The following RBFOX1 variants were observed in gnomAD, a reference collection of about 807,000 sequenced individuals.
RBFOX1 encodes the protein RNA binding protein fox-1 homolog 1.
RBFOX1 carries 8 observed loss-of-function variants against 57.7 expected under a neutral mutation model. The observed-to-expected ratio is 0.14, with a 90% CI of 0.08 to 0.25. The LOEUF is 0.25. Ranked by LOEUF, RBFOX1 falls within the 10% of genes least tolerant of loss-of-function variation. The pLI is 1.00. For synonymous variants in RBFOX1, 326 were observed against 222.4 expected, an observed-to-expected ratio of 1.47 and a Z score of -4.15; for missense variants, 611 against 548.5, an observed-to-expected ratio of 1.11 and a Z score of -1.14.
intron 3 of RBFOX1, among the ~76,000 whole-genome samples, chr16:6,877,022 A>C (rs1280268553): frequency 6.6e-6 from 1 of 152,138 alleles, no homozygotes; most frequent in Admixed American, 6.6e-5. Context: ...TATTTCTGCT[A>C]TTGTTTCTTA....
At chr16:6,990,305 A>G (rs918445876) in intron 3 of RBFOX1, among the ~76,000 whole-genome samples, 1 of 152,010 alleles carries the variant, frequency 6.6e-6, no homozygotes, top group Admixed American at 6.6e-5. Context: ...CGGGTGGGTC[A>G]CCTGAGGTCA....
At chr16:7,658,162 A>G (rs1348476364) in intron 12 of RBFOX1, among the ~76,000 whole-genome samples, 1 of 152,176 alleles carries the variant, frequency 6.6e-6, no homozygotes, top group Non-Finnish European at 1.5e-5. Context: ...TGATGAACTT[A>G]GCGACTTTAT....
At chr16:6,738,148 C>T (rs1178768082) in intron 3 of RBFOX1, among the ~76,000 whole-genome samples, 8 of 151,550 alleles carry the variant, frequency 5.3e-5, no homozygotes, top group East Asian at 1.9e-4. Flanking sequence ...TGTAACCTCT[C>T]ATCTTAAATG....
At chr16:6,479,452 G>C (rs977554305) in intron 2 of RBFOX1, among the ~76,000 whole-genome samples, 1 of 151,952 alleles carries the variant, frequency 6.6e-6, no homozygotes, top group Non-Finnish European at 1.5e-5. Flanking sequence ...GCCCGGCATG[G>C]TGGCACACAC....
chr16:6,667,582 C>G (rs2098740625), intron 3 of RBFOX1, among the ~76,000 whole-genome samples: 1 of 152,060 alleles, frequency 6.6e-6, no homozygotes, highest in South Asian at 2.1e-4. Flanking sequence ...CAGGATGCAC[C>G]TTGAATAACT....
At chr16:7,705,086 G>T (rs897029366) in intron 14 of RBFOX1, among the ~76,000 whole-genome samples, 2 of 150,332 alleles carry the variant, frequency 1.3e-5, no homozygotes, top group East Asian at 2.0e-4. Flanking sequence ...AGAGAAAGAA[G>T]CATCTCTTCA....
chr16:6,621,676 G>A (rs755941757), intron 2 of RBFOX1, among the ~76,000 whole-genome samples: 2 of 152,140 alleles, frequency 1.3e-5, no homozygotes, highest in Non-Finnish European at 2.9e-5. Flanking sequence ...CAACCCCATT[G>A]CAAACAGAGC....
At chr16:5,640,839 A>G (rs1469393630) in intron 3 of RBFOX1, among the ~76,000 whole-genome samples, 5 of 145,846 alleles carry the variant, frequency 3.4e-5, no homozygotes, top group Admixed American at 6.7e-5. Context: ...ACATGCACAC[A>G]CACACACACA....
At chr16:5,848,862 T>C (rs1360027324) in intron 3 of RBFOX1, among the ~76,000 whole-genome samples, 1 of 151,832 alleles carries the variant, frequency 6.6e-6, no homozygotes, top group African/African-American at 2.4e-5. Flanking sequence ...GGCAGGAGAA[T>C]CACTTGAATC....
At position 5,978,483 on chromosome 16, in the gene RBFOX1, A is replaced by G. The variant is rs2060110492; in HGVS notation, c.351+111148A>G. On this transcript the variant is annotated intron_variant, in intron 4 of 19. Coordinates refer to the RBFOX1 transcript ENST00000641259. ...TCAACAGGGTAGGTTTGTTGTAATG[A>G]AGCGACCAGCGTTGCTATATTACTA... Among the ~76,000 whole-genome samples the G allele has an allele frequency of 5.9e-5, 9 of 152,250 alleles. No homozygotes were observed. The South Asian group carries it at 1.9e-3, about 32-fold the overall frequency.
intron 4 of RBFOX1, among the ~76,000 whole-genome samples, chr16:7,106,433 GA>G (rs1478798024): frequency 2.6e-5 from 4 of 151,996 alleles, no homozygotes; most frequent in African/African-American, 9.7e-5. Flanking sequence ...GTGTTAAACA[GA>G]GAAAGAAAAA....
intron 3 of RBFOX1, among the ~76,000 whole-genome samples, chr16:6,854,685 C>T (rs2057485877): frequency 6.8e-6 from 1 of 147,692 alleles, no homozygotes; most frequent in South Asian, 2.2e-4. Flanking sequence ...AGCTCCGCCT[C>T]CTGGGTTCAA....
chr16:5,689,085 C>T (rs766143616), intron 3 of RBFOX1, among the ~76,000 whole-genome samples: 3 of 152,264 alleles, frequency 2.0e-5, no homozygotes, highest in Middle Eastern at 3.4e-3. Flanking sequence ...AAGCCAAGGT[C>T]GGGAGGCTTG....
chr16:7,227,791 C>T (rs1311986609), intron 4 of RBFOX1, among the ~76,000 whole-genome samples: 26 of 152,206 alleles, frequency 1.7e-4, no homozygotes, highest in Admixed American at 1.7e-3. Context: ...ACACAGGAAA[C>T]TCCTACCTCA....
At chr16:5,651,679 C>T (rs943015283) in intron 3 of RBFOX1, among the ~76,000 whole-genome samples, 1 of 152,198 alleles carries the variant, frequency 6.6e-6, no homozygotes, top group Non-Finnish European at 1.5e-5. Flanking sequence ...TGAGCCGTTT[C>T]AGTCTAACTG....
intron 4 of RBFOX1, among the ~76,000 whole-genome samples, chr16:7,420,364 T>C (rs895902759): frequency 6.6e-6 from 1 of 152,184 alleles, no homozygotes; most frequent in Non-Finnish European, 1.5e-5. Context: ...TAATGAATAC[T>C]GGTTCAAAGA....
chr16:6,590,949 C>G (rs922238875), intron 2 of RBFOX1, among the ~76,000 whole-genome samples: 2 of 152,118 alleles, frequency 1.3e-5, no homozygotes, highest in Non-Finnish European at 2.9e-5. Context: ...ACTTTGGAGT[C>G]ACACTGCGAG....
chr16:6,691,730 C>A (rs571220909), intron 3 of RBFOX1, among the ~76,000 whole-genome samples: 24 of 152,290 alleles, frequency 1.6e-4, no homozygotes, highest in African/African-American at 4.8e-4. Context: ...TGTCACCGCA[C>A]ATGGCCAAGG....
At chr16:7,597,269 G>A (rs964288667) in intron 8 of RBFOX1, 102 bp from the exon 9 acceptor site, 9 of 787,630 alleles carry the variant, frequency 1.1e-5, no homozygotes, top group Non-Finnish European at 1.6e-5. Context: ...TTACTTTTTA[G>A]TTTTCTTTTT....
Sources: allele counts gnomAD v4.1 joint callset (sites outside exome capture counted in the v4.1 genomes callset), GRCh38; gene constraint gnomAD v4.1.1; transcripts MANE v1.5; gene names NCBI Gene and HGNC (gene_info 2026-07-23, HGNC 2026-07-21).